Variants in PPP1R16A observed in about 807,000 individuals in gnomAD.
PPP1R16A encodes myosin phosphatase-targeting subunit 3.
Under a neutral mutation model 46.6 loss-of-function variants are expected in PPP1R16A, and 39 were observed. The observed-to-expected ratio is 0.84, with a 90% CI of 0.65 to 1.09. PPP1R16A has a LOEUF of 1.09. Among genes scored for constraint, PPP1R16A ranks in the 50% least tolerant of loss-of-function variants. The pLI is 0.00. For synonymous variants in PPP1R16A, 413 were observed against 321.5 expected (o/e 1.28, Z -3.04); for missense variants, 798 against 735.6 (o/e 1.08, Z -0.98).
Position 144,500,175 on chromosome 8 carries a change from C to G in PPP1R16A, c.556C>G (p.Leu186Val). 6.2e-7 allele frequency: 1 copy of G among 1,611,018 alleles called. No homozygotes were observed. The highest frequency in any genetic ancestry group is 1.1e-5 in the South Asian group (1 of 90,640). Residue 186 changes from leucine to valine, a missense_variant, in exon 6 of 12, where the codon CTG becomes GTG. Leu to Val is a conservative substitution (Grantham distance 32, BLOSUM62 1). Transcript: ENST00000435887. ...LCDDEQTLDC[L>V]ETAMADRGIT... ...TGATGATGAGCAGACGCTGGACTGC[C>G]TGGAGACTGCCATGGCCGACCGTGG...
At chr8:144,490,583 C>A (rs1271236217) in intron 2 of PPP1R16A, among the ~76,000 whole-genome samples, 3 of 151,936 alleles carry the variant, frequency 2.0e-5, no homozygotes, top group Admixed American at 6.5e-5. Context: ...GCTGGAGAAG[C>A]CTCCCATCCA....
intron 1 of PPP1R16A, among the ~76,000 whole-genome samples, chr8:144,484,595 G>C (rs1825569722): frequency 6.6e-6 from 1 of 152,204 alleles, no homozygotes; most frequent in Non-Finnish European, 1.5e-5. Flanking sequence ...CTTGCTGTGA[G>C]TTAGTTTATT....
At chr8:144,481,631 C>T (rs1031104163) in intron 1 of PPP1R16A, among the ~76,000 whole-genome samples, 4 of 152,034 alleles carry the variant, frequency 2.6e-5, no homozygotes, top group African/African-American at 7.2e-5. Flanking sequence ...GCAAAAAGAG[C>T]GAAACTCCAT....
intron 5 of PPP1R16A, 160 bp downstream of exon 5, chr8:144,499,221 G>T (rs1826267053): frequency 4.1e-6 from 4 of 964,734 alleles, no homozygotes; most frequent in Non-Finnish European, 5.9e-6. Context: ...AGGGCCTGGG[G>T]CTCCAGGGGA....
rs887517740 is a variant in PPP1R16A at position 144,478,380 on chromosome 8, C to T, written c.-914+253C>T. ...GGCCCTCGGGAGACGCGGCTGCCGG[C>T]ACGCGGGCGCCCAGGGCACAGGTCC... is the stretch of plus-strand genomic sequence containing the variant. On this transcript the variant is annotated intron_variant, in intron 1 of 11. Transcript: ENST00000435887. 285 of 347,282 alleles carry T rather than the reference C, an allele frequency of 8.2e-4. 1 individual carries two copies. The highest frequency in any genetic ancestry group is 5.7e-3 in the African/African-American group (269 of 47,318). 21.5% of individuals were successfully genotyped at this position (347,282 alleles called of 1,614,324 possible). A position where few individuals can be genotyped will look rare whatever the true frequency, so the allele number is the denominator to read the frequency against.
chr8:144,481,336 C>A (rs982945004), intron 1 of PPP1R16A, among the ~76,000 whole-genome samples: 1 of 152,058 alleles, frequency 6.6e-6, no homozygotes, highest in Non-Finnish European at 1.5e-5. Flanking sequence ...GTAGGTTTGG[C>A]GTCCCTTTTT....
Position 144,498,903 on chromosome 8 carries a change from G to A in PPP1R16A, c.331-13G>A. 2 of 1,612,610 alleles carry A rather than the reference G, an allele frequency of 1.2e-6. No individual in the cohort carries two copies. The highest frequency in any genetic ancestry group is 8.5e-7 in the Non-Finnish European group (1 of 1,179,808). ...CCCCCGTGCTCTGGTCGCTCACGTG[G>A]CACGGTTTGCAGTGCTGCATTGATG... On this transcript the variant is annotated splice_polypyrimidine_tract_variant and intron_variant, in intron 4 of 11. Coordinates refer to ENST00000435887, the MANE Select transcript of PPP1R16A (RefSeq NM_001329443.2).
intron 2 of PPP1R16A, among the ~76,000 whole-genome samples, chr8:144,495,255 AT>A (rs1435330010): frequency 6.6e-6 from 1 of 152,128 alleles, no homozygotes; most frequent in East Asian, 1.9e-4. Context: ...GACTGGCTTA[AT>A]TTGACCTGGC....
At chr8:144,481,195 A>G (rs1038394481) in intron 1 of PPP1R16A, among the ~76,000 whole-genome samples, 1 of 151,366 alleles carries the variant, frequency 6.6e-6, no homozygotes, top group Non-Finnish European at 1.5e-5. Flanking sequence ...GGCCTGTTTG[A>G]TGGGTTTTGT....
chr8:144,485,807 C>G (rs1586740230), intron 1 of PPP1R16A, among the ~76,000 whole-genome samples: 1 of 152,310 alleles, frequency 6.6e-6, no homozygotes, highest in South Asian at 2.1e-4. Flanking sequence ...ACCATAGGGA[C>G]CTCTTGAGCT....
intron 2 of PPP1R16A, among the ~76,000 whole-genome samples, chr8:144,492,417 G>A (rs947912031): frequency 2.7e-5 from 4 of 148,426 alleles, no homozygotes; most frequent in African/African-American, 7.5e-5. Flanking sequence ...CTCAGTGCAA[G>A]CTCCGCCTCC....
chr8:144,491,711 G>C lies in PPP1R16A; in HGVS notation c.-735+1499G>C, dbSNP rs373556407. On this transcript the variant is annotated intron_variant, in intron 2 of 11. Transcript: ENST00000435887. Reference sequence around the variant, plus strand: ...CTGGGAGGCGGAGCTCGCAGTGAGCGGAGATTGCAGCACTGCACTCCAGCC... The same window carrying C: ...CTGGGAGGCGGAGCTCGCAGTGAGCCGAGATTGCAGCACTGCACTCCAGCC... Among the ~76,000 whole-genome samples the C allele has an allele frequency of 3.2e-4, 48 of 151,278 alleles. No homozygotes were observed. In the East Asian group the frequency reaches 8.3e-3, roughly 26 times the overall value.
chr8:144,490,868 A>G (rs924406287), intron 2 of PPP1R16A, among the ~76,000 whole-genome samples: 34 of 152,262 alleles, frequency 2.2e-4, no homozygotes, highest in African/African-American at 7.7e-4. Flanking sequence ...CAGTCTGGGC[A>G]ACATAGGGAG....
chr8:144,499,647 CAGGT>C (rs757639583), intron 5 of PPP1R16A: 4 of 193,048 alleles, frequency 2.1e-5, no homozygotes, highest in Admixed American at 1.1e-4. Context: ...GGGGTGTCCA[CAGGT>C]AGGCCTGCTC....
At chr8:144,494,370 G>A (rs989456312) in intron 2 of PPP1R16A, among the ~76,000 whole-genome samples, 2 of 152,036 alleles carry the variant, frequency 1.3e-5, no homozygotes, top group African/African-American at 4.8e-5. Context: ...CTGGAGTGCA[G>A]GGTGTGATCT....
Position 144,500,666 on chromosome 8 carries a change from C to G in PPP1R16A, c.832-20C>G. The G allele has an allele frequency of 6.2e-7, 1 of 1,607,696 alleles. No individual in the cohort carries two copies. Among genetic ancestry groups the G allele is most frequent in the Non-Finnish European group, 8.5e-7 (1 of 1,179,384 alleles). On this transcript the variant is annotated intron_variant, in intron 8 of 11. Transcript: ENST00000435887. ...GGGCTTCCAGCGCAGCAGTCTGCAG[C>G]TCCGGCCTGCCGTCCACAGGTGCCC...
Position 144,501,540 on chromosome 8 carries a change from C to T in PPP1R16A, c.1224C>T (p.Val408=). 6.3e-7 allele frequency: 1 copy of T among 1,575,820 alleles called. No individual in the cohort carries two copies. Among genetic ancestry groups the T allele is most frequent in the Non-Finnish European group, 8.6e-7 (1 of 1,161,180 alleles). ...CGCAGGAGGACAACCCCGAAGTGGT[C>T]AGGCCGCACAATGGCCGAGTAGGGG... ...PPPEEDNPEV[V]RPHNGRVGGS... Residue 408 remains valine, a synonymous_variant, in exon 12 of 12, where the codon GTC becomes GTT. Coordinates refer to ENST00000435887, the MANE Select transcript of PPP1R16A (RefSeq NM_001329443.2).
chr8:144,491,749 C>G (rs944753253), intron 2 of PPP1R16A, among the ~76,000 whole-genome samples: 1 of 134,152 alleles, frequency 7.5e-6, no homozygotes, highest in Non-Finnish European at 1.6e-5. Flanking sequence ...GGCGATGGAG[C>G]GAGACTCTGT....
At position 144,498,999 on chromosome 8, in the gene PPP1R16A, G is replaced by A; in HGVS notation, c.414G>A (p.Trp138Ter). Residue 138 changes from tryptophan (W) to a stop codon, truncating the protein, a stop_gained, in exon 5 of 12, where the codon TGG becomes TGA. Transcript: ENST00000435887. LOFTEE classifies it high-confidence loss of function. ...TCAATGCCTGTGACAGTGAGTGCTGGACGCCTCTGCATGCTGCGGCCACCT... is the reference window on the plus strand; with the variant it reads ...TCAATGCCTGTGACAGTGAGTGCTGAACGCCTCTGCATGCTGCGGCCACCT... ...ANINACDSECWTPLHAAATCG... is the reference protein window; with the variant it reads ...ANINACDSEC 1 of 1,608,826 alleles carries A rather than the reference G, an allele frequency of 6.2e-7. No homozygotes were observed. The highest frequency in any genetic ancestry group is 8.5e-7 in the Non-Finnish European group (1 of 1,177,594).
Sources: allele counts gnomAD v4.1 joint callset (sites outside exome capture counted in the v4.1 genomes callset), GRCh38; gene constraint gnomAD v4.1.1; transcripts MANE v1.5; gene names NCBI Gene and HGNC (gene_info 2026-07-23, HGNC 2026-07-21).